PCDH15: variants seen among roughly 807,000 people sequenced by gnomAD.
The protein encoded by PCDH15 is protocadherin-15.
A neutral mutation model predicts 178.5 loss-of-function variants in PCDH15; 129 were observed. The ratio of observed to expected loss-of-function variants is 0.72; its 90% CI spans 0.63 to 0.84. PCDH15 has a LOEUF of 0.84. PCDH15 is among the 40% of genes least tolerant of loss of function. The pLI is 0.00. For missense variants in PCDH15, 2,230 were observed against 2,099.9 expected, an observed-to-expected ratio of 1.06 and a Z score of -1.21; for synonymous variants, 800 against 732.0, an observed-to-expected ratio of 1.09 and a Z score of -1.50.
In PCDH15 at chr10:54,267,556, G is replaced by A. The variant is rs183949436; in HGVS notation, c.877-30625C>T. Among the ~76,000 whole-genome samples the A allele has an allele frequency of 6.0e-3, 907 of 151,170 alleles. 8 individuals carry two copies. The highest frequency in any genetic ancestry group is 0.02 in the African/African-American group (828 of 41,448). On this transcript the variant is annotated intron_variant, in intron 8 of 37. Transcript: ENST00000644397. ...ATTCTGACCAAAGACGCCTAAAGTT[G>A]ATTAAAAATTTCAGTAAAGTTTTAA...
intron 4 of PCDH15, among the ~76,000 whole-genome samples, chr10:54,377,788 C>T (rs1367805939): frequency 6.6e-6 from 1 of 152,108 alleles, no homozygotes; most frequent in Non-Finnish European, 1.5e-5. Flanking sequence ...TAATCCACTA[C>T]CCTCTGCCCC....
chr10:55,118,697 A>C (rs1291252413), intron 2 of PCDH15, among the ~76,000 whole-genome samples: 1 of 152,214 alleles, frequency 6.6e-6, no homozygotes, highest in African/African-American at 2.4e-5. Context: ...CTGATTCAAT[A>C]GGTTAAGGGT....
chr10:54,446,144 A>G (rs557606052), intron 3 of PCDH15, among the ~76,000 whole-genome samples: 1 of 151,710 alleles, frequency 6.6e-6, no homozygotes, highest in East Asian at 1.9e-4. Flanking sequence ...AAAACAAACT[A>G]GTACACAAAA....
intron 2 of PCDH15, chr10:54,600,766 T>A: frequency 2.1e-6 from 1 of 469,094 alleles, no homozygotes; most frequent in Non-Finnish European, 4.0e-6. Context: ...GAACAGATTC[T>A]CCCATAGGGG....
chr10:53,869,840 AC>A (rs771212586), intron 26 of PCDH15, among the ~76,000 whole-genome samples: 35 of 152,096 alleles, frequency 2.3e-4, no homozygotes, highest in Non-Finnish European at 4.7e-4. Flanking sequence ...ACAATCTGAG[AC>A]CTTCTTAAGG....
intron 1 of PCDH15, among the ~76,000 whole-genome samples, chr10:54,759,597 C>G (rs146550525): frequency 6.6e-6 from 1 of 152,248 alleles, no homozygotes; most frequent in Non-Finnish European, 1.5e-5. Flanking sequence ...TGCCTGGGAG[C>G]AGAATTGGGG....
intron 2 of PCDH15, among the ~76,000 whole-genome samples, chr10:55,137,924 A>G (rs1403370411): frequency 1.3e-5 from 2 of 152,128 alleles, no homozygotes; most frequent in African/African-American, 4.8e-5. Flanking sequence ...TGGTTAAATG[A>G]CCATCCATTC....
chr10:54,833,687 C>G (rs139897568), intron 3 of PCDH15, among the ~76,000 whole-genome samples: 13 of 152,270 alleles, frequency 8.5e-5, no homozygotes, highest in African/African-American at 2.9e-4. Flanking sequence ...TCTTGCTCTC[C>G]CCTGTTAGTC....
intron 5 of PCDH15, among the ~76,000 whole-genome samples, chr10:54,352,033 T>C (rs1944266945): frequency 1.3e-5 from 2 of 152,182 alleles, no homozygotes; most frequent in Non-Finnish European, 2.9e-5. Context: ...ACATATATAT[T>C]TGGTGATTAG....
At chr10:53,897,576 G>C (rs2082035213) in intron 26 of PCDH15, among the ~76,000 whole-genome samples, 1 of 139,038 alleles carries the variant, frequency 7.2e-6, no homozygotes, top group South Asian at 2.7e-4. Flanking sequence ...TCAGTGTACA[G>C]TTCATTGACA....
intron 3 of PCDH15, among the ~76,000 whole-genome samples, chr10:54,491,640 C>G (rs1276956345): frequency 6.6e-6 from 1 of 152,030 alleles, no homozygotes; most frequent in African/African-American, 2.4e-5. Flanking sequence ...CCCCTTATAT[C>G]ATTTTTTATT....
At chr10:54,427,467 G>A (rs773290758) in intron 3 of PCDH15, among the ~76,000 whole-genome samples, 2 of 150,508 alleles carry the variant, frequency 1.3e-5, no homozygotes, top group East Asian at 2.0e-4. Flanking sequence ...TAGTAGAGAC[G>A]GGGTTTCTCC....
intron 29 of PCDH15, among the ~76,000 whole-genome samples, chr10:53,835,987 C>G (rs1244471387): frequency 1.3e-5 from 2 of 152,092 alleles, no homozygotes; most frequent in Non-Finnish European, 2.9e-5. Context: ...TTCCCCAGAC[C>G]TTTATCTCAG....
chr10:54,117,272 T>C (rs1028623711), intron 15 of PCDH15, among the ~76,000 whole-genome samples: 1 of 136,566 alleles, frequency 7.3e-6, no homozygotes, highest in Non-Finnish European at 1.7e-5. Flanking sequence ...CAGGTGCCAG[T>C]ATAGGAGGAA....
chr10:54,175,090 T>C (rs941636166), intron 13 of PCDH15, among the ~76,000 whole-genome samples: 8 of 152,320 alleles, frequency 5.3e-5, no homozygotes, highest in Non-Finnish European at 1.0e-4. Context: ...TTTTGTAAGC[T>C]TTGCTCATGA....
chr10:54,503,972 C>T (rs2080950842), intron 3 of PCDH15, among the ~76,000 whole-genome samples: 3 of 152,042 alleles, frequency 2.0e-5, no homozygotes, highest in Admixed American at 6.6e-5. Context: ...GTGAACTGAC[C>T]GTGGTGGTCC....
rs186558483 is a variant in PCDH15, at chr10:55,238,317, T to C, written c.-155-71666A>G. ...GGCACCCGCTACCACGCCCGGCTAA[T>C]TTTCTTGTATTTTTAGTAGAGACGG... On this transcript the variant is annotated intron_variant, in intron 1 of 5. Transcript: ENST00000458638. Among the ~76,000 whole-genome samples the C allele has an allele frequency of 4.1e-4, 62 of 151,870 alleles. No homozygotes were observed. In the East Asian group the frequency reaches 0.012, roughly 29 times the overall value.
chr10:54,174,089 T>A (rs1169824836), intron 13 of PCDH15, among the ~76,000 whole-genome samples: 2 of 152,116 alleles, frequency 1.3e-5, no homozygotes, highest in African/African-American at 4.8e-5. Context: ...AGAAAACCAT[T>A]GAAGGGGTCA....
chr10:54,476,771 T>C (rs1039522529), intron 3 of PCDH15, among the ~76,000 whole-genome samples: 3 of 152,164 alleles, frequency 2.0e-5, no homozygotes, highest in African/African-American at 7.2e-5. Flanking sequence ...TGTGGTCATC[T>C]GTTATTCTGT....
Sources: gnomAD v4.1 joint callset for allele counts (sites outside exome capture counted in the v4.1 genomes callset) on GRCh38, gnomAD v4.1.1 for gene constraint, MANE v1.5 for transcripts, NCBI Gene and HGNC (gene_info 2026-07-23, HGNC 2026-07-21) for gene names.